TRIM33: variants seen among roughly 807,000 people sequenced by gnomAD.
TRIM33 encodes the protein E3 ubiquitin-protein ligase TRIM33.
Under a neutral mutation model 125.4 loss-of-function variants are expected in TRIM33, and 20 were observed. The ratio of observed to expected loss-of-function variants is 0.16; its 90% CI spans 0.11 to 0.23. The LOEUF (loss-of-function observed/expected upper bound fraction) is 0.23, where lower values mean the gene tolerates loss of function less well. Ranked by LOEUF, TRIM33 falls within the 10% of genes least tolerant of loss-of-function variation. The probability of loss-of-function intolerance (pLI) is 1.00; values close to 1 mark genes in which losing one functional copy is unlikely to be tolerated. For synonymous variants in TRIM33, 564 were observed against 513.9 expected, an observed-to-expected ratio of 1.10 and a Z score of -1.32; for missense variants, 920 against 1,411.4, an observed-to-expected ratio of 0.65 and a Z score of 5.58.
intron 1 of TRIM33, among the ~76,000 whole-genome samples, chr1:114,485,138 G>C (rs1557894653): frequency 6.6e-6 from 1 of 152,028 alleles, no homozygotes; most frequent in South Asian, 2.1e-4. Flanking sequence ...GCCTTGCAGA[G>C]AATAGGAATT....
chr1:114,481,716 T>G (rs1651372050), intron 1 of TRIM33, among the ~76,000 whole-genome samples: 1 of 151,642 alleles, frequency 6.6e-6, no homozygotes, highest in South Asian at 2.1e-4. Context: ...TTTTTTTATA[T>G]TGGTTTTTTC....
intron 11 of TRIM33, among the ~76,000 whole-genome samples, chr1:114,412,663 A>G (rs1230089032): frequency 6.6e-6 from 1 of 152,026 alleles, no homozygotes; most frequent in Non-Finnish European, 1.5e-5. Flanking sequence ...TAAAACTGAG[A>G]TTTATCCTTG....
At chr1:114,486,566 A>C (rs1570648883) in intron 1 of TRIM33, among the ~76,000 whole-genome samples, 1 of 148,664 alleles carries the variant, frequency 6.7e-6, no homozygotes, top group Non-Finnish European at 1.5e-5. Context: ...AAAAAAAAAA[A>C]CCCAAAAACC....
intron 1 of TRIM33, among the ~76,000 whole-genome samples, chr1:114,480,169 A>C (rs1248119038): frequency 6.6e-6 from 1 of 152,168 alleles, no homozygotes; most frequent in Non-Finnish European, 1.5e-5. Flanking sequence ...CTGTTGATCT[A>C]TGACCTTGCC....
chr1:114,491,831 G>A (rs991443316), intron 1 of TRIM33, among the ~76,000 whole-genome samples: 4 of 152,102 alleles, frequency 2.6e-5, no homozygotes, highest in East Asian at 3.9e-4. Context: ...AAAATATATC[G>A]CTGGTTCATT....
chr1:114,410,422 C>T, intron 11 of TRIM33, 106 bp from the exon 12 acceptor site: 1 of 1,158,812 alleles, frequency 8.6e-7, no homozygotes, highest in Non-Finnish European at 1.2e-6. Context: ...AACAGATTAT[C>T]CAATATCAAG....
chr1:114,463,603 AG>A (rs1202613457), intron 2 of TRIM33, 47 bp from the exon 3 acceptor site: 1 of 1,156,332 alleles, frequency 8.6e-7, no homozygotes, highest in Non-Finnish European at 1.2e-6. Context: ...CATAAAATCT[AG>A]ATCTAAAAAA....
At chr1:114,427,415 G>A in intron 7 of TRIM33, 121 bp from the exon 8 acceptor site, 1 of 607,950 alleles carries the variant, frequency 1.6e-6, no homozygotes, top group Non-Finnish European at 3.0e-6. Context: ...AGATTAGGCA[G>A]CATCAACATT....
At chr1:114,494,254 C>T (rs1475429899) in intron 1 of TRIM33, among the ~76,000 whole-genome samples, 1 of 152,132 alleles carries the variant, frequency 6.6e-6, no homozygotes, top group Non-Finnish European at 1.5e-5. Context: ...AACCACCATG[C>T]CTGGCCCAAT....
At chr1:114,483,838 A>C (rs1355285001) in intron 1 of TRIM33, among the ~76,000 whole-genome samples, 2 of 152,216 alleles carry the variant, frequency 1.3e-5, no homozygotes, top group Non-Finnish European at 2.9e-5. Context: ...CAAAGACATA[A>C]GACAAAGACA....
At chr1:114,466,286 G>C (rs1403431797) in intron 1 of TRIM33, among the ~76,000 whole-genome samples, 1 of 152,150 alleles carries the variant, frequency 6.6e-6, no homozygotes, top group African/African-American at 2.4e-5. Flanking sequence ...GAGTAAATCA[G>C]TTAAATTTTC....
chr1:114,397,590 T>G lies in TRIM33; in HGVS notation c.*58A>C, dbSNP rs1312260880. On this transcript the variant is annotated 3_prime_UTR_variant, in exon 20 of 20. Transcript: ENST00000358465. ...TTAAAAGTTTTCTGGGTTTTTTGTG[T>G]TTTTTTTTTTTTTTTCGTTTTTTTT... The G allele has an allele frequency of 1.1e-4, 62 of 582,164 alleles. No individual in the cohort carries two copies. In the East Asian group the frequency reaches 1.3e-3, roughly 12 times the overall value. 36.1% of individuals were successfully genotyped at this position (582,164 alleles called of 1,614,324 possible).
At chr1:114,507,841 ACACAGTGGCT>A (rs1653087209) in intron 1 of TRIM33, among the ~76,000 whole-genome samples, 1 of 152,186 alleles carries the variant, frequency 6.6e-6, no homozygotes, top group Non-Finnish European at 1.5e-5. Flanking sequence ...GGATGGCTAG[ACACAGTGGCT>A]CATGCCTGTA....
At chr1:114,506,926 C>A (rs1653038785) in intron 1 of TRIM33, among the ~76,000 whole-genome samples, 1 of 152,170 alleles carries the variant, frequency 6.6e-6, no homozygotes, top group Non-Finnish European at 1.5e-5. Flanking sequence ...ATGGAGTCAT[C>A]ACCAAATCAA....
rs1176333847 is a variant in TRIM33, at chr1:114,396,748, T to G, written c.*900A>C. The G allele has an allele frequency of 4.8e-6, 1 of 207,814 alleles. No individual in the cohort carries two copies. Among genetic ancestry groups the G allele is most frequent in the Non-Finnish European group, 9.8e-6 (1 of 101,610 alleles). 12.9% of individuals were successfully genotyped at this position (207,814 alleles called of 1,614,324 possible). Reference sequence around the variant, plus strand: ...GATACTGTTTGCCAATAGTGGTCTATCAGAAAACTGACATGAAGGAAGACT... The same window carrying G: ...GATACTGTTTGCCAATAGTGGTCTAGCAGAAAACTGACATGAAGGAAGACT... On this transcript the variant is annotated 3_prime_UTR_variant, in exon 20 of 20. Coordinates refer to ENST00000358465, the MANE Select transcript of TRIM33 (RefSeq NM_015906.4).
At position 114,511,187 on chromosome 1, in the gene TRIM33, T is replaced by G; in HGVS notation, c.-111A>C. On this transcript the variant is annotated 5_prime_UTR_variant, in exon 1 of 20. Transcript: ENST00000358465. ...CGCAGCAAGAGCGGCAGCCGAGAGC[T>G]AGCGAGAGAGCGAACCAACGAGAGC... 1.0e-6 allele frequency: 1 copy of G among 986,694 alleles called. No individual in the cohort carries two copies. The highest frequency in any genetic ancestry group is 1.2e-6 in the Non-Finnish European group (1 of 818,920). The allele number at this position is 986,694 out of a possible 1,614,324, so 61.1% of individuals were successfully genotyped here.
intron 4 of TRIM33, among the ~76,000 whole-genome samples, chr1:114,454,461 G>T (rs550393444): frequency 2.6e-4 from 39 of 152,040 alleles, no homozygotes; most frequent in Non-Finnish European, 5.0e-4. Flanking sequence ...CCTGGAGGAA[G>T]GACTGCTTGA....
At chr1:114,408,481 C>T (rs555279317) in intron 13 of TRIM33, among the ~76,000 whole-genome samples, 196 bp downstream of exon 13, 2 of 152,114 alleles carry the variant, frequency 1.3e-5, no homozygotes, top group South Asian at 4.1e-4. Flanking sequence ...AGTGAAATGA[C>T]TGAGATTTGT....
At position 114,471,590 on chromosome 1, in the gene TRIM33, GAAA is replaced by G. The variant is rs544445600; in HGVS notation, c.527-7205_527-7203del. On this transcript the variant is annotated intron_variant, in intron 1 of 19. Coordinates refer to ENST00000358465, the MANE Select transcript of TRIM33 (RefSeq NM_015906.4). ...ACTTCAAGACATACCTATTGAAAAAGAAAAGGATAAACAAACATACAGCAGCAA... is the reference window on the plus strand; with the variant it reads ...ACTTCAAGACATACCTATTGAAAAAGAGGATAAACAAACATACAGCAGCAA... Among the ~76,000 whole-genome samples, 758 of 151,860 alleles carry G rather than the reference GAAA, an allele frequency of 5.0e-3. 6 individuals are homozygous for G. Among genetic ancestry groups the G allele is most frequent in the African/African-American group, 0.017 (717 of 41,394 alleles).
Sources: gnomAD v4.1 joint callset for allele counts (sites outside exome capture counted in the v4.1 genomes callset) on GRCh38, gnomAD v4.1.1 for gene constraint, MANE v1.5 for transcripts, NCBI Gene and HGNC (gene_info 2026-07-23, HGNC 2026-07-21) for gene names.